C3orf70: variants seen among roughly 807,000 people sequenced by gnomAD.
C3orf70 encodes chromosome 3 open reading frame 70, also known as UPF0524 protein C3orf70.
Under a neutral mutation model 20.7 loss-of-function variants are expected in C3orf70, and 15 were observed. The observed-to-expected ratio is 0.72, with a 90% CI of 0.48 to 1.11. The LOEUF is 1.11. C3orf70 is among the 50% of genes most tolerant of loss of function. The pLI, the probability that C3orf70 is intolerant of heterozygous loss-of-function variation, is 0.00. For synonymous variants in C3orf70, 161 were observed against 125.7 expected, an observed-to-expected ratio of 1.28 and a Z score of -1.88; for missense variants, 332 against 317.6, an observed-to-expected ratio of 1.05 and a Z score of -0.34.
chr3:185,117,718 T>C (rs1219656725), intron 1 of C3orf70, among the ~76,000 whole-genome samples: 1 of 152,198 alleles, frequency 6.6e-6, no homozygotes, highest in African/African-American at 2.4e-5. Flanking sequence ...GCAATTTTCC[T>C]AGAAAGGTAT....
At chr3:185,152,547 G>A (rs1717013300) in intron 1 of C3orf70, 81 bp downstream of exon 1, 1 of 1,302,436 alleles carries the variant, frequency 7.7e-7, no homozygotes, top group Admixed American at 2.8e-5. Context: ...CGCGGCCGCA[G>A]AGTTCCGGCA....
At chr3:185,131,465 G>A (rs1251540494) in intron 1 of C3orf70, among the ~76,000 whole-genome samples, 1 of 152,120 alleles carries the variant, frequency 6.6e-6, no homozygotes, top group Non-Finnish European at 1.5e-5. Context: ...TTATTTTACT[G>A]AATTCATATG....
intron 1 of C3orf70, among the ~76,000 whole-genome samples, chr3:185,146,282 T>A (rs1716874173): frequency 7.7e-6 from 1 of 129,794 alleles, no homozygotes; most frequent in African/African-American, 3.6e-5. Context: ...TCTCATTTTT[T>A]TTTTTTTTTT....
intron 1 of C3orf70, among the ~76,000 whole-genome samples, chr3:185,100,265 AAC>A (rs1014191637): frequency 6.6e-6 from 1 of 152,188 alleles, no homozygotes; most frequent in African/African-American, 2.4e-5. Context: ...TGCCACATGA[AAC>A]ATACTCTAAA....
chr3:185,103,912 G>A (rs1313512587), intron 1 of C3orf70, among the ~76,000 whole-genome samples: 1 of 152,190 alleles, frequency 6.6e-6, no homozygotes, highest in Non-Finnish European at 1.5e-5. Flanking sequence ...CCTGCACAGG[G>A]AGGAGGGGGA....
chr3:185,122,750 A>G (rs1278282640), intron 1 of C3orf70, among the ~76,000 whole-genome samples: 2 of 152,176 alleles, frequency 1.3e-5, no homozygotes, highest in African/African-American at 4.8e-5. Flanking sequence ...TCTGACCTCA[A>G]TGTCGGCAAG....
rs745962273 is a variant in C3orf70, at chr3:185,152,743, A to C, written c.81T>G (p.Ser27Arg). 1 of 1,593,290 alleles carries C rather than the reference A, an allele frequency of 6.3e-7. No individual in the cohort carries two copies. The highest frequency in any genetic ancestry group is 2.4e-5 in the East Asian group (1 of 42,144). Residue 27 changes from serine to arginine, a missense_variant, in exon 1 of 2, where the codon AGT becomes AGG. By Grantham distance (110) the Ser-to-Arg change is moderately radical (BLOSUM62 -1). Coordinates refer to ENST00000335012, the MANE Select transcript of C3orf70 (RefSeq NM_001025266.3). ...KLDEAQALAR[S>R]CAARRPDFQP... ...GGAAGTCGGGTCTGCGGGCGGCGCA[A>C]CTCCGCGCCAGGGCCTGAGCCTCAT...
At chr3:185,102,052 T>C (rs946279000) in intron 1 of C3orf70, among the ~76,000 whole-genome samples, 19 of 152,080 alleles carry the variant, frequency 1.2e-4, no homozygotes, top group African/African-American at 2.9e-4. Flanking sequence ...CTATTCAACA[T>C]AGAATTGAAA....
chr3:185,140,007 A>T (rs2108605615), intron 1 of C3orf70, among the ~76,000 whole-genome samples: 1 of 152,228 alleles, frequency 6.6e-6, no homozygotes, highest in South Asian at 2.1e-4. Flanking sequence ...ATCTCAAAAG[A>T]CTCTGTTAAC....
At chr3:185,127,025 G>A (rs913348471) in intron 1 of C3orf70, among the ~76,000 whole-genome samples, 9 of 152,146 alleles carry the variant, frequency 5.9e-5, no homozygotes, top group African/African-American at 2.2e-4. Flanking sequence ...CAGTTAATCT[G>A]TTTTCCATCT....
chr3:185,130,133 T>G (rs925826838), intron 1 of C3orf70, among the ~76,000 whole-genome samples: 1 of 152,168 alleles, frequency 6.6e-6, no homozygotes, highest in Non-Finnish European at 1.5e-5. Flanking sequence ...CCTATAAAAA[T>G]ATTTTACTAA....
chr3:185,140,898 G>A (rs1716737014), intron 1 of C3orf70, among the ~76,000 whole-genome samples: 1 of 150,664 alleles, frequency 6.6e-6, no homozygotes, highest in Non-Finnish European at 1.5e-5. Flanking sequence ...AACCCAGGAG[G>A]CAGAGGCTGC....
At position 185,117,454 on chromosome 3, in the gene C3orf70, AAGAG is replaced by A. The variant is rs3072374; in HGVS notation, c.197-33895_197-33892del. 5.6e-3 allele frequency among the ~76,000 whole-genome samples: 797 copies of A among 141,958 alleles called. 5 individuals are homozygous for A. The highest frequency in any genetic ancestry group is 0.016 in the African/African-American group (571 of 35,644). The allele number at this position is 141,958 out of a possible 152,430, so 93.1% of individuals were successfully genotyped here. A position where few individuals can be genotyped will look rare whatever the true frequency, so the allele number is the denominator to read the frequency against. Reference sequence around the variant, plus strand: ...ACACACACACACACACACACACAGAAAGAGAGAGAGAGAGAGAGAGAGAGAAAAG... The same window carrying A: ...ACACACACACACACACACACACAGAAAGAGAGAGAGAGAGAGAGAGAAAAG... On this transcript the variant is annotated intron_variant, in intron 1 of 1. Coordinates refer to ENST00000335012, the MANE Select transcript of C3orf70 (RefSeq NM_001025266.3).
intron 1 of C3orf70, among the ~76,000 whole-genome samples, chr3:185,092,321 G>A (rs545618920): frequency 7.2e-5 from 11 of 152,066 alleles, no homozygotes; most frequent in African/African-American, 2.7e-4. Flanking sequence ...GCTTTTCTTG[G>A]CTGCATTTGG....
At chr3:185,144,085 C>T (rs1716809335) in intron 1 of C3orf70, among the ~76,000 whole-genome samples, 1 of 151,838 alleles carries the variant, frequency 6.6e-6, no homozygotes, top group Non-Finnish European at 1.5e-5. Context: ...GTGTAATATT[C>T]AAAACATGTA....
At chr3:185,144,519 T>C (rs1716817108) in intron 1 of C3orf70, among the ~76,000 whole-genome samples, 1 of 152,236 alleles carries the variant, frequency 6.6e-6, no homozygotes, top group Non-Finnish European at 1.5e-5. Flanking sequence ...CCACCCAGGC[T>C]GGAGTGCAGT....
chr3:185,106,868 C>T (rs538233104), intron 1 of C3orf70, among the ~76,000 whole-genome samples: 1 of 152,358 alleles, frequency 6.6e-6, no homozygotes, highest in South Asian at 2.1e-4. Context: ...ATACAGGAGT[C>T]ATTGACTCAG....
intron 1 of C3orf70, among the ~76,000 whole-genome samples, chr3:185,118,296 G>A (rs1470269690): frequency 6.6e-6 from 1 of 152,072 alleles, no homozygotes; most frequent in East Asian, 1.9e-4. Flanking sequence ...GGCATCCTCC[G>A]TTCTAGAAGT....
Position 185,100,055 on chromosome 3 carries a change from C to T in C3orf70, c.197-16492G>A, listed in dbSNP as rs116620827. ...CACAGGAGCACCCAGATTCACAAAGCAAGTTCTTAGAGACCTAAAGAGACT... is the reference window on the plus strand; with the variant it reads ...CACAGGAGCACCCAGATTCACAAAGTAAGTTCTTAGAGACCTAAAGAGACT... On this transcript the variant is annotated intron_variant, in intron 1 of 1. Coordinates refer to ENST00000335012, the MANE Select transcript of C3orf70 (RefSeq NM_001025266.3). Among the ~76,000 whole-genome samples, 857 of 152,268 alleles carry T rather than the reference C, an allele frequency of 5.6e-3. 10 individuals are homozygous for T. The highest frequency in any genetic ancestry group is 0.02 in the African/African-American group (811 of 41,550).
Sources: allele counts gnomAD v4.1 joint callset (sites outside exome capture counted in the v4.1 genomes callset), GRCh38; gene constraint gnomAD v4.1.1; transcripts MANE v1.5; gene names NCBI Gene and HGNC (gene_info 2026-07-23, HGNC 2026-07-21).